ADCY4: variants seen among roughly 807,000 people sequenced by gnomAD.
The protein encoded by ADCY4 is adenylate cyclase type 4.
ADCY4 carries 111 observed loss-of-function variants against 125.5 expected under a neutral mutation model. The observed-to-expected ratio is 0.88, with a 90% confidence interval of 0.76 to 1.04. The LOEUF is 1.04. ADCY4 is among the 50% of genes least tolerant of loss of function. The pLI is 0.00. For synonymous variants in ADCY4, 576 were observed against 586.9 expected (o/e 0.98, Z 0.27); for missense variants, 1,256 against 1,382.9 (o/e 0.91, Z 1.46).
At chr14:24,320,847 T>C (rs973493248) in intron 20 of ADCY4, among the ~76,000 whole-genome samples, 50 of 152,198 alleles carry the variant, frequency 3.3e-4, no homozygotes, top group Non-Finnish European at 1.2e-4. Context: ...TTTATTTTAA[T>C]TAATTAACAT....
chr14:24,326,123 C>T lies in ADCY4; in HGVS notation c.1611G>A (p.Gly537=). 6.3e-7 allele frequency: 1 copy of T among 1,589,588 alleles called. No individual in the cohort carries two copies. The highest frequency in any genetic ancestry group is 1.1e-5 in the South Asian group (1 of 88,170). The change falls in exon 12 of 25, where the codon GGG becomes GGA. Residue 537 remains glycine (G), a synonymous_variant. Coordinates refer to ENST00000418030, the MANE Select transcript of ADCY4 (RefSeq NM_001198568.2). Reference sequence around the variant, plus strand: ...CAATGACCTGGAAGAACTTGGCATCCCCGGTGTCCAGTTCATCATCTAGTC... The same window carrying T: ...CAATGACCTGGAAGAACTTGGCATCTCCGGTGTCCAGTTCATCATCTAGTC... The part of the protein sequence containing the change: ...PRGLDDELDT[G]DAKFFQVIEQ...
In ADCY4 at chr14:24,334,927, G is replaced by T; in HGVS notation, c.-275C>A. 5.3e-6 allele frequency: 2 copies of T among 379,206 alleles called. No homozygotes were observed. The highest frequency in any genetic ancestry group is 9.5e-6 in the Non-Finnish European group (2 of 211,126). The allele number at this position is 379,206 out of a possible 1,614,324, so 23.5% of individuals were successfully genotyped here. A position where few individuals can be genotyped will look rare whatever the true frequency, so the allele number is the denominator to read the frequency against. Reference sequence around the variant, plus strand: ...CCTAGAAAAGCCTCATCGCCAGGAGGGCAGGATTTGGGGTTGGTGCGAGGG... The same window carrying T: ...CCTAGAAAAGCCTCATCGCCAGGAGTGCAGGATTTGGGGTTGGTGCGAGGG... On this transcript the variant is annotated 5_prime_UTR_variant, in exon 1 of 25. Transcript: ENST00000418030.
chr14:24,332,923 C>T lies in ADCY4; in HGVS notation c.225G>A (p.Leu75=). ...GCTGCTCCCGGGAAGCGAGGCCCAG[C>T]AGCAGCGAGAAGCCGCCCAGCGCGC... ...VLCALGGFSL[L]LGLASREQRL... The change falls in exon 2 of 25, where the codon CTG becomes CTA. Residue 75 remains leucine, a synonymous_variant. Coordinates refer to ENST00000418030, the MANE Select transcript of ADCY4 (RefSeq NM_001198568.2). The T allele has an allele frequency of 6.3e-7, 1 of 1,599,818 alleles. No individual in the cohort carries two copies.
chr14:24,321,988 G>T, intron 20 of ADCY4, 78 bp downstream of exon 20: 1 of 1,486,214 alleles, frequency 6.7e-7, no homozygotes, highest in Non-Finnish European at 9.0e-7. Flanking sequence ...TAGAGAAAAC[G>T]GGCCATAGGT....
At position 24,319,309 on chromosome 14, in the gene ADCY4, G is replaced by A; in HGVS notation, c.2841+20C>T. The A allele has an allele frequency of 1.9e-6, 3 of 1,613,374 alleles. No individual in the cohort carries two copies. In the South Asian group the frequency reaches 3.3e-5, roughly 18 times the overall value. ...ATGAGAGCCCAGAGGAGGATGGTAG[G>A]TAAGGAAGGGTTGCCGTACCTGTTG... On this transcript the variant is annotated intron_variant, in intron 22 of 24. Transcript: ENST00000418030. The surrounding 1 kb of genome is among the most constrained non-coding windows in gnomAD (Gnocchi z 4.5).
At position 24,329,840 on chromosome 14, in the gene ADCY4, C is replaced by T; in HGVS notation, c.1217+20G>A. The T allele has an allele frequency of 1.2e-6, 2 of 1,607,288 alleles. No homozygotes were observed. The highest frequency in any genetic ancestry group is 1.7e-6 in the Non-Finnish European group (2 of 1,175,600). ...CCTGGTTGGCCTTCTGCTGTAGCTGCCTAGGGCCCTAGGTCTCACCCTGGT... is the reference window on the plus strand; with the variant it reads ...CCTGGTTGGCCTTCTGCTGTAGCTGTCTAGGGCCCTAGGTCTCACCCTGGT... On this transcript the variant is annotated intron_variant, in intron 8 of 24. Coordinates refer to ENST00000418030, the MANE Select transcript of ADCY4 (RefSeq NM_001198568.2).
rs1594646886 is a variant in ADCY4 at position 24,319,476 on chromosome 14, T to A, written c.2734-40A>T. On this transcript the variant is annotated intron_variant, in intron 21 of 24. Coordinates refer to ENST00000418030, the MANE Select transcript of ADCY4 (RefSeq NM_001198568.2). This position sits in a 1 kb window ranked among gnomAD's most constrained non-coding sequence, Gnocchi z 4.5. ...GAGTCCTGTCCCCAGTCTCTCTTAC[T>A]CTCTCCATCACCTCTCCCAGAAGCC... 6.3e-7 allele frequency: 1 copy of A among 1,591,172 alleles called. No individual in the cohort carries two copies. Among genetic ancestry groups the A allele is most frequent in the Non-Finnish European group, 8.6e-7 (1 of 1,159,684 alleles).
At chr14:24,325,015 T>G (rs1566435098) in intron 14 of ADCY4, among the ~76,000 whole-genome samples, 1 of 152,066 alleles carries the variant, frequency 6.6e-6, no homozygotes, top group Non-Finnish European at 1.5e-5. Context: ...CCTGGCTGAG[T>G]TAAGAACAAG....
At chr14:24,322,858 C>T (rs2139198729) in intron 18 of ADCY4, 46 bp downstream of exon 18, 2 of 1,553,548 alleles carry the variant, frequency 1.3e-6, no homozygotes, top group Non-Finnish European at 1.7e-6. Flanking sequence ...TCCCATCTCA[C>T]CCCATCCCAG....
rs2042044885 is a variant in ADCY4 at position 24,331,779 on chromosome 14, C to T, written c.669+9G>A. 4.5e-6 allele frequency: 7 copies of T among 1,569,190 alleles called. No individual in the cohort carries two copies. The highest frequency in any genetic ancestry group is 6.1e-6 in the Non-Finnish European group (7 of 1,151,356). On this transcript the variant is annotated intron_variant, in intron 4 of 24. Transcript: ENST00000418030. Reference sequence around the variant, plus strand: ...GAGCGCTGCTCTGACCTTCCTAGGCCCGGCTGACCTGGTGCTTCTTCTCGG... The same window carrying T: ...GAGCGCTGCTCTGACCTTCCTAGGCTCGGCTGACCTGGTGCTTCTTCTCGG...
chr14:24,326,571 TTGTGTGTG>T lies in ADCY4; in HGVS notation c.1525-237_1525-230del, dbSNP rs71119070. 8.2e-3 allele frequency: 2,291 copies of T among 278,134 alleles called. 6 individuals are homozygous for T. The highest frequency in any genetic ancestry group is 0.017 in the South Asian group (401 of 23,042). 17.2% of individuals were successfully genotyped at this position (278,134 alleles called of 1,614,324 possible). On this transcript the variant is annotated intron_variant, in intron 10 of 24. Coordinates refer to ENST00000418030, the MANE Select transcript of ADCY4 (RefSeq NM_001198568.2). ...CTGACTCTCTAGACTCCCAGGATCT[TTGTGTGTG>T]TGTGTGTGTGTGTGTGTGTGTGTGT... is the stretch of plus-strand genomic sequence containing the variant.
At chr14:24,328,235 G>T (rs1168709876) in intron 10 of ADCY4, among the ~76,000 whole-genome samples, 1 of 132,854 alleles carries the variant, frequency 7.5e-6, no homozygotes, top group Non-Finnish European at 1.6e-5. Flanking sequence ...GCGGGGTGGG[G>T]GGGGGGGTCT....
Position 24,329,938 on chromosome 14 carries a change from C to A in ADCY4, c.1139G>T (p.Gly380Val). Residue 380 changes from glycine (G) to valine (V), a missense_variant, in exon 8 of 25, where the codon GGG becomes GTG. By Grantham distance (109) the Gly-to-Val change is moderately radical (BLOSUM62 -3). Transcript: ENST00000418030. Reference protein sequence around the residue: ...HSGSVLCGVIGLQKWQYDVWS... With the variant: ...HSGSVLCGVIVLQKWQYDVWS... ...AACGTCGTACTGCCACTTCTGCAGC[C>A]CGATGACTCCACACAGTACGCTGCC... 6.2e-7 allele frequency: 1 copy of A among 1,614,124 alleles called. No individual in the cohort carries two copies. Among genetic ancestry groups the A allele is most frequent in the Non-Finnish European group, 8.5e-7 (1 of 1,180,002 alleles).
Position 24,325,861 on chromosome 14 carries a change from T to C in ADCY4, c.1682A>G (p.Asn561Ser), listed in dbSNP as rs2041933820. The change falls in exon 13 of 25, where the codon AAC (asparagine) becomes AGC (serine). Residue 561 changes from asparagine to serine, a missense_variant. Physicochemically the swap from Asn to Ser is conservative, Grantham distance 46. Coordinates refer to ENST00000418030, the MANE Select transcript of ADCY4 (RefSeq NM_001198568.2). ...QKQWKQSKDF[N>S]PLTLYFREKE... ...CTCTCTGAAGTACAGTGTCAGTGGGTTGAAGTCCTTCGACTGCTTCCACTG... is the reference window on the plus strand; with the variant it reads ...CTCTCTGAAGTACAGTGTCAGTGGGCTGAAGTCCTTCGACTGCTTCCACTG... 1 of 1,596,756 alleles carries C rather than the reference T, an allele frequency of 6.3e-7. No homozygotes were observed. Among genetic ancestry groups the C allele is most frequent in the South Asian group, 1.1e-5 (1 of 88,646 alleles).
chr14:24,329,451 G>T lies in ADCY4; in HGVS notation c.1300C>A (p.Pro434Thr), dbSNP rs773348354. Residue 434 changes from proline (P) to threonine (T), a missense_variant, in exon 9 of 25, where the codon CCC becomes ACC. Coordinates refer to ENST00000418030, the MANE Select transcript of ADCY4 (RefSeq NM_001198568.2). The stretch of plus-strand genomic sequence containing the variant: ...GGCTCCCCTAGCTCCCGAAGGTAGG[G>T]GTCCCGATGCTCCATGCCTGCGTCC... Reference protein sequence around the residue: ...VEDAGMEHRDPYLRELGEPTY... With the variant: ...VEDAGMEHRDTYLRELGEPTY... 11 of 1,581,180 alleles carry T rather than the reference G, an allele frequency of 7.0e-6. No homozygotes were observed. In the East Asian group the frequency reaches 2.2e-4, roughly 32 times the overall value.
chr14:24,329,043 G>A lies in ADCY4; in HGVS notation c.1524+18C>T, dbSNP rs759968086. ...GGATTTAACTAAGCTCTGGGGCTCA[G>A]GATGAAGGTGCACATACCGGGAGAG... On this transcript the variant is annotated intron_variant, in intron 10 of 24. Transcript: ENST00000418030. The A allele has an allele frequency of 2.5e-6, 4 of 1,610,988 alleles. No homozygotes were observed. In the African/African-American group the frequency reaches 5.3e-5, roughly 22 times the overall value.
rs2041819192 is a variant in ADCY4 at position 24,319,421 on chromosome 14, T to C, written c.2749A>G (p.Lys917Glu). Residue 917 changes from lysine (K) to glutamate (E), a missense_variant, in exon 22 of 25, where the codon AAG becomes GAG. By Grantham distance (56) the Lys-to-Glu change is moderately conservative. Coordinates refer to ENST00000418030, the MANE Select transcript of ADCY4 (RefSeq NM_001198568.2). This position sits in a 1 kb window ranked among gnomAD's most constrained non-coding sequence, Gnocchi z 4.5. The stretch of plus-strand genomic sequence containing the variant: ...TTGATCTTCTCCACCCCACTGAACT[T>C]GGGCTTGGAGAGCAGCTGTATATAG... ...ADFDELLSKP[K>E]FSGVEKIKTI... is the part of the protein sequence containing the mutation. 1.2e-6 allele frequency: 2 copies of C among 1,614,072 alleles called. No homozygotes were observed. The highest frequency in any genetic ancestry group is 1.3e-5 in the African/African-American group (1 of 74,928).
At chr14:24,333,885 C>A (rs1171289200) in intron 1 of ADCY4, among the ~76,000 whole-genome samples, 1 of 152,286 alleles carries the variant, frequency 6.6e-6, no homozygotes, top group East Asian at 1.9e-4. Context: ...AGCTGCACAG[C>A]CGTCCCAGCA....
chr14:24,324,310 C>T lies in ADCY4; in HGVS notation c.1905G>A (p.Leu635=). 1 of 1,614,196 alleles carries T rather than the reference C, an allele frequency of 6.2e-7. No homozygotes were observed. The highest frequency in any genetic ancestry group is 8.5e-7 in the Non-Finnish European group (1 of 1,179,986). The change falls in exon 15 of 25, where the codon CTG becomes CTA. Residue 635 remains leucine, a synonymous_variant. Transcript: ENST00000418030. ...TCCACCCCTCAGCCCACCTCACCATCAGGTCCTCTGAGAAGCAGACAAAAA... is the reference window on the plus strand; with the variant it reads ...TCCACCCCTCAGCCCACCTCACCATTAGGTCCTCTGAGAAGCAGACAAAAA... The part of the protein sequence containing the change: ...LILFVCFSED[L]MRCVLKGPKM...
Sources: gnomAD v4.1 joint callset for allele counts (sites outside exome capture counted in the v4.1 genomes callset) on GRCh38, gnomAD v4.1.1 for gene constraint, Gnocchi (gnomAD v3.1) non-coding constraint, MANE v1.5 for transcripts, NCBI Gene and HGNC (gene_info 2026-07-23, HGNC 2026-07-21) for gene names.